Variants in RBFOX1 observed in about 807,000 individuals in gnomAD.
The protein encoded by RBFOX1 is RNA binding protein fox-1 homolog 1.
In RBFOX1, 8 loss-of-function variants were observed where a neutral mutation model predicts 57.7. The ratio of observed to expected loss-of-function variants is 0.14; its 90% CI spans 0.08 to 0.25. RBFOX1 has a LOEUF of 0.25. RBFOX1 is among the 10% of genes least tolerant of loss of function. The pLI is 1.00. For missense variants in RBFOX1, 611 were observed against 548.5 expected (o/e 1.11, Z -1.14); for synonymous variants, 326 against 222.4 (o/e 1.47, Z -4.15).
chr16:7,324,434 T>C (rs1344634880), intron 4 of RBFOX1, among the ~76,000 whole-genome samples: 1 of 152,150 alleles, frequency 6.6e-6, no homozygotes, highest in African/African-American at 2.4e-5. Context: ...GCGGAGTAGC[T>C]GCATCCTCCC....
intron 2 of RBFOX1, among the ~76,000 whole-genome samples, chr16:6,600,648 C>T (rs1446332122): frequency 2.0e-5 from 3 of 152,184 alleles, no homozygotes; most frequent in African/African-American, 7.2e-5. Flanking sequence ...CGGGACACAT[C>T]TGAATCCACC....
chr16:7,153,934 C>G (rs556307306), intron 4 of RBFOX1, among the ~76,000 whole-genome samples: 2 of 152,080 alleles, frequency 1.3e-5, no homozygotes, highest in Non-Finnish European at 2.9e-5. Context: ...AAAAAAAACC[C>G]TTTTAAATGA....
chr16:5,398,445 TTGTG>T (rs757992129), intron 1 of RBFOX1, among the ~76,000 whole-genome samples: 1 of 152,012 alleles, frequency 6.6e-6, no homozygotes, highest in Non-Finnish European at 1.5e-5. Flanking sequence ...ATGCTTGTGC[TTGTG>T]TGTATGTGTA....
intron 3 of RBFOX1, among the ~76,000 whole-genome samples, chr16:5,716,402 T>G (rs1486185164): frequency 6.6e-6 from 1 of 152,194 alleles, no homozygotes; most frequent in Non-Finnish European, 1.5e-5. Context: ...TCCTCTCACC[T>G]TCCACCCTCC....
At chr16:6,640,725 A>G (rs909972196) in intron 2 of RBFOX1, among the ~76,000 whole-genome samples, 1 of 152,156 alleles carries the variant, frequency 6.6e-6, no homozygotes, top group Admixed American at 6.6e-5. Flanking sequence ...ACCCTCTAGA[A>G]AGGAATAAAA....
intron 4 of RBFOX1, among the ~76,000 whole-genome samples, chr16:7,135,394 G>A (rs567225492): frequency 2.5e-4 from 38 of 152,334 alleles, no homozygotes; most frequent in African/African-American, 9.1e-4. Flanking sequence ...TTTTCAATGA[G>A]CATGCACAAA....
At chr16:7,261,451 C>T (rs573208190) in intron 4 of RBFOX1, among the ~76,000 whole-genome samples, 1 of 152,122 alleles carries the variant, frequency 6.6e-6, no homozygotes, top group African/African-American at 2.4e-5. Context: ...AAGTTGGATG[C>T]TTGTTGAGTA....
At position 5,979,431 on chromosome 16, in the gene RBFOX1, G is replaced by T. The variant is rs532441890; in HGVS notation, c.351+112096G>T. Among the ~76,000 whole-genome samples the T allele has an allele frequency of 7.2e-5, 11 of 152,336 alleles. No homozygotes were observed. In the South Asian group the frequency reaches 2.3e-3, roughly 32 times the overall value. ...TCAAGAGAGGAAACATTCATTCAAT[G>T]TGATTAGTGACTGTTGAGGGGCTTA... On this transcript the variant is annotated intron_variant, in intron 4 of 19. Coordinates refer to the RBFOX1 transcript ENST00000641259.
At chr16:5,880,589 A>C (rs1397342927) in intron 4 of RBFOX1, among the ~76,000 whole-genome samples, 1 of 152,210 alleles carries the variant, frequency 6.6e-6, no homozygotes, top group African/African-American at 2.4e-5. Flanking sequence ...AGGAGGCTAA[A>C]GACCTGCTAG....
Position 7,052,093 on chromosome 16 carries a change from C to CT in RBFOX1, c.23dup (p.Arg9LysfsTer3). The CT allele has an allele frequency of 6.2e-7, 1 of 1,609,456 alleles. No homozygotes were observed. Among genetic ancestry groups the CT allele is most frequent in the African/African-American group, 1.3e-5 (1 of 74,684 alleles). On this transcript the variant is annotated frameshift_variant, in exon 4 of 16. Transcript: ENST00000550418. LOFTEE classifies it high-confidence loss of function. ...ACAGATGAATTGTGAAAGAGAGCAG[C>CT]TAAGGGTAGGTGCACCTGCTTGTAA...
intron 3 of RBFOX1, among the ~76,000 whole-genome samples, chr16:6,947,445 G>C (rs141489195): frequency 1.3e-5 from 2 of 152,160 alleles, no homozygotes; most frequent in Admixed American, 6.5e-5. Flanking sequence ...TCAACTGGCC[G>C]TATTTCATCC....
At chr16:5,768,381 A>G (rs919342970) in intron 3 of RBFOX1, among the ~76,000 whole-genome samples, 1 of 152,146 alleles carries the variant, frequency 6.6e-6, no homozygotes, top group Non-Finnish European at 1.5e-5. Context: ...TTTCTTTTGC[A>G]TATTATTAGA....
chr16:5,546,297 T>C (rs2045203110), intron 2 of RBFOX1, among the ~76,000 whole-genome samples: 1 of 152,160 alleles, frequency 6.6e-6, no homozygotes, highest in African/African-American at 2.4e-5. Context: ...CTAGGCTTTT[T>C]TGCGGGGTGG....
At chr16:6,671,964 A>T (rs1171270446) in intron 3 of RBFOX1, among the ~76,000 whole-genome samples, 1 of 152,230 alleles carries the variant, frequency 6.6e-6, no homozygotes, top group African/African-American at 2.4e-5. Flanking sequence ...AATGCGAAAT[A>T]ACAATATCGA....
chr16:6,131,016 C>G (rs531396870), intron 1 of RBFOX1, among the ~76,000 whole-genome samples: 18 of 152,142 alleles, frequency 1.2e-4, no homozygotes, highest in Non-Finnish European at 2.5e-4. Context: ...GGATGAATCT[C>G]ATATACATTA....
chr16:6,909,268 A>C (rs963206892), intron 3 of RBFOX1, among the ~76,000 whole-genome samples: 2 of 152,110 alleles, frequency 1.3e-5, no homozygotes, highest in Admixed American at 1.3e-4. Flanking sequence ...CAAAGCCAGC[A>C]TTGTGGCCTT....
At chr16:7,086,428 C>G (rs1049474148) in intron 4 of RBFOX1, among the ~76,000 whole-genome samples, 2 of 152,098 alleles carry the variant, frequency 1.3e-5, no homozygotes, top group Admixed American at 6.5e-5. Context: ...TAATTGAACA[C>G]TGCATCAATT....
chr16:7,028,371 A>G (rs751635264), intron 3 of RBFOX1, among the ~76,000 whole-genome samples: 1 of 152,034 alleles, frequency 6.6e-6, no homozygotes, highest in Non-Finnish European at 1.5e-5. Flanking sequence ...GATGGATTTT[A>G]TCTCTCTGAT....
intron 1 of RBFOX1, among the ~76,000 whole-genome samples, chr16:5,369,950 G>A (rs987811255): frequency 6.6e-6 from 1 of 152,240 alleles, no homozygotes; most frequent in African/African-American, 2.4e-5. Context: ...TGGGGTCATG[G>A]GGAGGCATCG....
Sources: allele counts gnomAD v4.1 joint callset (sites outside exome capture counted in the v4.1 genomes callset), GRCh38; gene constraint gnomAD v4.1.1; transcripts MANE v1.5; gene names NCBI Gene and HGNC (gene_info 2026-07-23, HGNC 2026-07-21).